Variants in ARR3 observed in about 807,000 individuals in gnomAD.
ARR3 encodes the protein arrestin-C.
In ARR3, 14 loss-of-function variants were observed where a neutral mutation model predicts 35.4. The observed-to-expected ratio is 0.40, with a 90% CI of 0.26 to 0.62. The LOEUF is 0.62. Among genes scored for constraint, ARR3 ranks in the 20% least tolerant of loss-of-function variants. The probability of loss-of-function intolerance (pLI) is 0.46; values close to 1 mark genes in which losing one functional copy is unlikely to be tolerated. For synonymous variants in ARR3, 97 were observed against 119.1 expected (o/e 0.81, Z 1.21); for missense variants, 259 against 303.8 (o/e 0.85, Z 1.10).
chrX:70,271,385 C>T (rs1164938342), intron 5 of ARR3, among the ~76,000 whole-genome samples: 2 of 112,006 alleles, frequency 1.8e-5, no homozygotes, highest in Non-Finnish European at 3.8e-5. Flanking sequence ...TTTGTTACCT[C>T]TGTGAAGATT....
At chrX:70,276,388 T>C in intron 6 of ARR3, 45 bp from the exon 7 acceptor site, 1 of 1,198,760 alleles carries the variant, frequency 8.3e-7, no homozygotes, top group Non-Finnish European at 1.1e-6. Context: ...TGTATTTGTT[T>C]GTATTCTTTT....
At chrX:70,278,235 T>G in intron 11 of ARR3, 97 bp downstream of exon 11, 1 of 803,703 alleles carries the variant, frequency 1.2e-6, no homozygotes. Context: ...GGGAGAAGAG[T>G]GGTGGAAGAT....
At chrX:70,270,490 T>C (rs2085625686) in intron 5 of ARR3, among the ~76,000 whole-genome samples, 1 of 112,092 alleles carries the variant, frequency 8.9e-6, no homozygotes, top group African/African-American at 3.2e-5. Flanking sequence ...ATAGCTTCTT[T>C]CAGAATTTCA....
Position 70,281,664 on chromosome X carries a change from T to C in ARR3, c.1077-12T>C. On this transcript the variant is annotated splice_polypyrimidine_tract_variant and intron_variant, in intron 16 of 16. Coordinates refer to ENST00000307959, the MANE Select transcript of ARR3 (RefSeq NM_004312.3). ...TTCCTAACCTTCCATTCTCTTCTGC[T>C]GCTTCTGCAAGCTCTGAGGACATAG... The C allele has an allele frequency of 8.5e-7, 1 of 1,172,313 alleles. No individual in the cohort carries two copies. Among genetic ancestry groups the C allele is most frequent in the Non-Finnish European group, 1.1e-6 (1 of 873,508 alleles).
chrX:70,280,534 AT>A (rs1285535689), intron 13 of ARR3, 24 bp from the exon 14 acceptor site: 1 of 1,186,470 alleles, frequency 8.4e-7, no homozygotes. Context: ...CCCGCTGCTA[AT>A]TTTGGGTGTC....
At chrX:70,274,250 G>A (rs2085642762) in intron 5 of ARR3, among the ~76,000 whole-genome samples, 1 of 99,273 alleles carries the variant, frequency 1.0e-5, no homozygotes, top group Non-Finnish European at 2.0e-5. Context: ...CACCCCCACT[G>A]GAGGGCAGTG....
chrX:70,278,243 G>A, intron 11 of ARR3, 105 bp downstream of exon 11: 1 of 795,271 alleles, frequency 1.3e-6, no homozygotes, highest in South Asian at 2.5e-5. Context: ...AGTGGTGGAA[G>A]ATTCCAGGGA....
At chrX:70,269,524 A>G in intron 2 of ARR3, 131 bp downstream of exon 2, 1 of 964,658 alleles carries the variant, frequency 1.0e-6, no homozygotes, top group South Asian at 2.3e-5. Flanking sequence ...AATTATCCCT[A>G]CCTTTGCCCC....
At chrX:70,275,911 T>C (rs1478442379) in intron 5 of ARR3, among the ~76,000 whole-genome samples, 171 bp from the exon 6 acceptor site, 2 of 109,363 alleles carry the variant, frequency 1.8e-5, no homozygotes, top group Non-Finnish European at 3.8e-5. Flanking sequence ...TCTCCTGACC[T>C]CGTGATCCAC....
At position 70,278,529 on chromosome X, in the gene ARR3, T is replaced by C. The variant is rs1205360136; in HGVS notation, c.793T>C (p.Phe265Leu). 2 of 1,211,006 alleles carry C rather than the reference T, an allele frequency of 1.7e-6. No individual in the cohort carries two copies. Among genetic ancestry groups the C allele is most frequent in the South Asian group, 3.5e-5 (2 of 56,773 alleles). The change falls in exon 12 of 17, where the codon TTC becomes CTC. Residue 265 changes from phenylalanine to leucine, a missense_variant. Transcript: ENST00000307959. ...FTETVAANSSFSQSFAVTPIL... is the reference protein window; with the variant it reads ...FTETVAANSSLSQSFAVTPIL... ...GGAGACTGTAGCTGCTAATTCCAGC[T>C]TCTCCCAGAGCTTTGCAGTAACCCC...
Position 70,268,373 on chromosome X carries a change from G to A in ARR3, c.-31+1G>A, listed in dbSNP as rs1239938804. ...ATGTGAACTTCATCTCTCTCCCCAG[G>A]TAATATTCCAAAGCCCTCTACTTCT... On this transcript the variant is annotated splice_donor_variant, in intron 1 of 16. Coordinates refer to ENST00000307959, the MANE Select transcript of ARR3 (RefSeq NM_004312.3). LOFTEE classifies it low-confidence loss of function (5UTR_SPLICE). 9.0e-6 allele frequency: 1 copy of A among 110,919 alleles called. No homozygotes were observed. Among genetic ancestry groups the A allele is most frequent in the Admixed American group, 9.6e-5 (1 of 10,440 alleles). 9.1% of individuals were successfully genotyped at this position (110,919 alleles called of 1,213,427 possible).
intron 1 of ARR3, among the ~76,000 whole-genome samples, chrX:70,269,007 G>A (rs1021641900): frequency 2.8e-4 from 31 of 112,290 alleles, no homozygotes; most frequent in Non-Finnish European, 5.6e-4. Context: ...TTTCTGGATG[G>A]AAGCCTCTGT....
At chrX:70,269,597 C>T in intron 2 of ARR3, 65 bp from the exon 3 acceptor site, 1 of 1,145,383 alleles carries the variant, frequency 8.7e-7, no homozygotes. Flanking sequence ...CCCCAATTCC[C>T]TTATTTCCTC....
Position 70,269,909 on chromosome X carries a change from T to C in ARR3, c.100+6T>C. ...GGACACGGTGGAACCCATTGGTCAG[T>C]GAGTCCAAAAAAGGGAAGCCTGGGG... On this transcript the variant is annotated splice_donor_region_variant and intron_variant, in intron 4 of 16. Transcript: ENST00000307959. 1.7e-6 allele frequency: 2 copies of C among 1,206,578 alleles called. No individual in the cohort carries two copies. The highest frequency in any genetic ancestry group is 2.2e-6 in the Non-Finnish European group (2 of 892,814).
intron 1 of ARR3, among the ~76,000 whole-genome samples, chrX:70,269,107 C>T (rs766698937): frequency 1.0e-3 from 116 of 111,950 alleles, no homozygotes; most frequent in South Asian, 8.0e-3. Flanking sequence ...CTGGAGAATA[C>T]ATAGTATGGT....
intron 5 of ARR3, among the ~76,000 whole-genome samples, chrX:70,271,152 C>T (rs2085628631): frequency 9.0e-6 from 1 of 111,251 alleles, no homozygotes; most frequent in African/African-American, 3.3e-5. Context: ...TTTAAGGTTC[C>T]CAAGTATTCT....
chrX:70,280,607 C>T, intron 14 of ARR3, 25 bp downstream of exon 14: 1 of 1,199,817 alleles, frequency 8.3e-7, no homozygotes. Flanking sequence ...GGTGGGGGAA[C>T]TTGGGCAAGA....
chrX:70,269,414 TCTGAAC>T (rs761821244), intron 2 of ARR3, 21 bp downstream of exon 2: 20 of 1,178,676 alleles, frequency 1.7e-5, no homozygotes, highest in Non-Finnish European at 2.3e-5. Context: ...CTTCTAATCC[TCTGAAC>T]CTGTGAATTG....
intron 16 of ARR3, chrX:70,281,343 C>G (rs1370224582): frequency 2.2e-6 from 1 of 454,608 alleles, no homozygotes; most frequent in East Asian, 3.7e-5. Flanking sequence ...TCCCCCTCAT[C>G]CCCTTCCCAT....
Sources: gnomAD v4.1 joint callset for allele counts (sites outside exome capture counted in the v4.1 genomes callset) on GRCh38, gnomAD v4.1.1 for gene constraint, MANE v1.5 for transcripts, NCBI Gene and HGNC (gene_info 2026-07-23, HGNC 2026-07-21) for gene names.